Variants in PKIG observed in about 807,000 individuals in gnomAD.
PKIG encodes protein kinase (cAMP-dependent, catalytic) inhibitor gamma.
Under a neutral mutation model 6.8 loss-of-function variants are expected in PKIG, and 1 was observed. The ratio of observed to expected loss-of-function variants is 0.15; its 90% confidence interval spans 0.05 to 0.69. The LOEUF is 0.69. Ranked by LOEUF, PKIG falls within the 30% of genes least tolerant of loss-of-function variation. The pLI is 0.82. For missense variants in PKIG, 77 were observed against 104.0 expected (o/e 0.74, Z 1.13); for synonymous variants, 39 against 43.0 (o/e 0.91, Z 0.36).
At chr20:44,553,112 C>A (rs1389030206) in intron 1 of PKIG, among the ~76,000 whole-genome samples, 1 of 152,148 alleles carries the variant, frequency 6.6e-6, no homozygotes, top group Admixed American at 6.5e-5. Flanking sequence ...TCATCTTTCT[C>A]ATTTTTCTTC....
At chr20:44,605,221 C>T (rs1008350129) in intron 2 of PKIG, among the ~76,000 whole-genome samples, 24 of 151,756 alleles carry the variant, frequency 1.6e-4, no homozygotes, top group Non-Finnish European at 2.8e-4. Flanking sequence ...CTGGCTGACA[C>T]GGTGAAACCC....
At position 44,584,262 on chromosome 20, in the gene PKIG, G is replaced by A. The variant is rs1043394461; in HGVS notation, c.-94+1531G>A. 3.9e-5 allele frequency among the ~76,000 whole-genome samples: 6 copies of A among 152,170 alleles called. No homozygotes were observed. The East Asian group carries it at 5.8e-4, about 15-fold the overall frequency. On this transcript the variant is annotated intron_variant, in intron 1 of 3. Coordinates refer to ENST00000372886, the MANE Select transcript of PKIG (RefSeq NM_001281445.2). ...ACTAGACCATCTGCACCTTCTCTGC[G>A]TGTCTGTCTAGCCCATCACTATGCC...
In PKIG at chr20:44,603,031, T is replaced by C. The variant is rs181944029; in HGVS notation, c.-23-11503T>C. On this transcript the variant is annotated intron_variant, in intron 2 of 3. Transcript: ENST00000372886. ...TCTTTGCTCTTCTTTCCCTGTAATCTAGAACATCTTCTATTATTCACTTGT... is the reference window on the plus strand; with the variant it reads ...TCTTTGCTCTTCTTTCCCTGTAATCCAGAACATCTTCTATTATTCACTTGT... Among the ~76,000 whole-genome samples the C allele has an allele frequency of 4.4e-3, 668 of 152,298 alleles. 3 individuals carry two copies. The highest frequency in any genetic ancestry group is 0.015 in the African/African-American group (641 of 41,556).
chr20:44,611,430 T>C (rs569076793), intron 2 of PKIG, among the ~76,000 whole-genome samples: 9 of 152,258 alleles, frequency 5.9e-5, no homozygotes, highest in Admixed American at 5.9e-4. Context: ...ATTGTAACTA[T>C]GTACCCGTTG....
chr20:44,537,994 T>G (rs2064528198), intron 1 of PKIG, among the ~76,000 whole-genome samples: 1 of 152,212 alleles, frequency 6.6e-6, no homozygotes, highest in South Asian at 2.1e-4. Flanking sequence ...TGTTAAAATT[T>G]TAAAATTTAA....
intron 1 of PKIG, among the ~76,000 whole-genome samples, chr20:44,544,932 T>C (rs2123164856): frequency 9.0e-6 from 1 of 110,766 alleles, no homozygotes; most frequent in African/African-American, 3.5e-5. Context: ...TTTCTTTTTT[T>C]TTTTTTTTTT....
chr20:44,565,522 A>AAGG (rs1233237862), intron 1 of PKIG, among the ~76,000 whole-genome samples: 1 of 152,204 alleles, frequency 6.6e-6, no homozygotes, highest in Non-Finnish European at 1.5e-5. Context: ...TCTAGAGAAA[A>AAGG]CACCACTGCT....
At chr20:44,580,800 T>C (rs1182158937), upstream of PKIG, among the ~76,000 whole-genome samples, 1 of 152,184 alleles carries the variant, frequency 6.6e-6, no homozygotes, top group Non-Finnish European at 1.5e-5. Context: ...ATAAAAATTC[T>C]TGTTAAACCA....
intron 1 of PKIG, among the ~76,000 whole-genome samples, chr20:44,549,804 A>G (rs777014092): frequency 5.3e-5 from 8 of 152,176 alleles, no homozygotes; most frequent in Non-Finnish European, 1.0e-4. Context: ...CAGCCTGGGT[A>G]ACAGCATGAG....
At chr20:44,554,759 T>G (rs1457903614) in intron 1 of PKIG, among the ~76,000 whole-genome samples, 6 of 152,218 alleles carry the variant, frequency 3.9e-5, no homozygotes, top group African/African-American at 1.4e-4. Context: ...GACAACAGAC[T>G]GTGTTTTTTC....
At chr20:44,559,182 A>G (rs1016802889) in intron 1 of PKIG, among the ~76,000 whole-genome samples, 1 of 152,200 alleles carries the variant, frequency 6.6e-6, no homozygotes, top group Non-Finnish European at 1.5e-5. Flanking sequence ...CCTTTCCCCT[A>G]AATCTCCATT....
chr20:44,607,523 T>C (rs1166447626), intron 2 of PKIG, among the ~76,000 whole-genome samples: 42 of 133,612 alleles, frequency 3.1e-4, no homozygotes, highest in East Asian at 1.9e-3. Context: ...ACTACAGGCG[T>C]GCACCACCAC....
intron 2 of PKIG, among the ~76,000 whole-genome samples, chr20:44,611,602 C>T (rs996236277): frequency 3.3e-5 from 5 of 151,606 alleles, no homozygotes; most frequent in Admixed American, 2.0e-4. Flanking sequence ...CTGCAAGCTC[C>T]GCCTCCTGGG....
At chr20:44,539,842 A>T (rs754421816) in intron 1 of PKIG, among the ~76,000 whole-genome samples, 5 of 152,196 alleles carry the variant, frequency 3.3e-5, no homozygotes, top group African/African-American at 7.2e-5. Flanking sequence ...TTCTTAATCT[A>T]TAGCCATTTC....
At chr20:44,618,260 A>G in intron 3 of PKIG, 25 bp from the exon 4 acceptor site, 1 of 1,541,732 alleles carries the variant, frequency 6.5e-7, no homozygotes, top group Non-Finnish European at 9.0e-7. Context: ...TGTGCCCAAG[A>G]AAAACCTCTT....
intron 1 of PKIG, among the ~76,000 whole-genome samples, chr20:44,555,896 A>C (rs2064708315): frequency 6.6e-6 from 1 of 152,110 alleles, no homozygotes; most frequent in Admixed American, 6.5e-5. Context: ...GGAATAGTGC[A>C]ATGGCGTGAT....
intron 1 of PKIG, among the ~76,000 whole-genome samples, chr20:44,542,672 A>AGCCTCC (rs1035088168): frequency 7.2e-5 from 11 of 152,158 alleles, no homozygotes; most frequent in Admixed American, 5.9e-4. Flanking sequence ...CTGCAGCCTC[A>AGCCTCC]GCCTCCGCCT....
chr20:44,535,519 T>C (rs1229146481), intron 1 of PKIG, among the ~76,000 whole-genome samples: 1 of 152,164 alleles, frequency 6.6e-6, no homozygotes, highest in African/African-American at 2.4e-5. Context: ...TGCACGCCTG[T>C]AGTCCCAGCT....
chr20:44,572,070 C>G (rs1026279498), intron 1 of PKIG, among the ~76,000 whole-genome samples: 2 of 152,258 alleles, frequency 1.3e-5, no homozygotes, highest in African/African-American at 4.8e-5. Flanking sequence ...GTGGCACAAT[C>G]TCAGCTCATT....
Sources: allele counts gnomAD v4.1 joint callset (sites outside exome capture counted in the v4.1 genomes callset), GRCh38; gene constraint gnomAD v4.1.1; transcripts MANE v1.5; gene names NCBI Gene and HGNC (gene_info 2026-07-23, HGNC 2026-07-21).